ZDHHC21: variants seen among roughly 807,000 people sequenced by gnomAD.
ZDHHC21 encodes the protein zDHHC palmitoyltransferase 21, also known as palmitoyltransferase ZDHHC21.
ZDHHC21 carries 15 observed loss-of-function variants against 34.6 expected under a neutral mutation model. That is an observed-to-expected ratio of 0.43 (90% CI 0.29 to 0.67). ZDHHC21 has a LOEUF of 0.67. Ranked by LOEUF, ZDHHC21 falls within the 30% of genes least tolerant of loss-of-function variation. The probability of loss-of-function intolerance (pLI) is 0.14; values close to 1 mark genes in which losing one functional copy is unlikely to be tolerated. For synonymous variants in ZDHHC21, 142 were observed against 101.8 expected (o/e 1.40, Z -2.38); for missense variants, 344 against 327.7 (o/e 1.05, Z -0.38).
At chr9:14,665,903 T>C (rs532541133) in intron 5 of ZDHHC21, among the ~76,000 whole-genome samples, 1 of 148,838 alleles carries the variant, frequency 6.7e-6, no homozygotes, top group South Asian at 2.2e-4. Flanking sequence ...CATGCCAAAA[T>C]GTAAAGACCA....
At chr9:14,686,915 G>C (rs1838404778) in intron 2 of ZDHHC21, among the ~76,000 whole-genome samples, 1 of 149,812 alleles carries the variant, frequency 6.7e-6, no homozygotes, top group South Asian at 2.1e-4. Context: ...AGAGGTTGCA[G>C]TGAGCAGAGA....
chr9:14,627,876 C>A (rs191991354), intron 8 of ZDHHC21, among the ~76,000 whole-genome samples: 3 of 152,034 alleles, frequency 2.0e-5, no homozygotes, highest in Admixed American at 6.6e-5. Context: ...ATAATTCAGA[C>A]AACATCAATT....
At chr9:14,667,314 T>G (rs983101528) in intron 5 of ZDHHC21, among the ~76,000 whole-genome samples, 34 of 149,668 alleles carry the variant, frequency 2.3e-4, no homozygotes, top group Non-Finnish European at 4.3e-4. Flanking sequence ...AAGTTGAATC[T>G]CTGAATAGAC....
intron 7 of ZDHHC21, among the ~76,000 whole-genome samples, chr9:14,652,197 C>T (rs1337676711): frequency 6.6e-6 from 1 of 151,866 alleles, no homozygotes; most frequent in African/African-American, 2.4e-5. Flanking sequence ...TTTTTCTAGA[C>T]ATGCATTTTT....
rs191531249 is a variant in ZDHHC21 at position 14,630,098 on chromosome 9, T to C, written c.621+9798A>G. Among the ~76,000 whole-genome samples, 137 of 152,316 alleles carry C rather than the reference T, an allele frequency of 9.0e-4. No individual in the cohort carries two copies. The Middle Eastern group carries it at 0.017, about 19-fold the overall frequency. ...TAAAGTCTGCTGCATAGGTTGACTC[T>C]TCCTTTCATGAACGATTTCTCTGTA... On this transcript the variant is annotated intron_variant, in intron 8 of 9. Coordinates refer to ENST00000380916, the MANE Select transcript of ZDHHC21 (RefSeq NM_178566.6).
At chr9:14,627,317 C>A (rs964872079) in intron 8 of ZDHHC21, among the ~76,000 whole-genome samples, 2 of 152,110 alleles carry the variant, frequency 1.3e-5, no homozygotes, top group Non-Finnish European at 2.9e-5. Flanking sequence ...TTTATGATTT[C>A]TCCTGTATTT....
At chr9:14,641,729 C>T (rs192365137) in intron 7 of ZDHHC21, among the ~76,000 whole-genome samples, 38 of 152,302 alleles carry the variant, frequency 2.5e-4, no homozygotes, top group Admixed American at 2.3e-3. Context: ...TGCAACCCTC[C>T]TGATGCTCAC....
In ZDHHC21 at chr9:14,684,549, A is replaced by C. The variant is rs1837966073; in HGVS notation, c.-175-4387T>G. Among the ~76,000 whole-genome samples the C allele has an allele frequency of 3.3e-5, 5 of 151,558 alleles. No individual in the cohort carries two copies. In the South Asian group the frequency reaches 1.1e-3, roughly 32 times the overall value. On this transcript the variant is annotated intron_variant, in intron 2 of 9. Coordinates refer to ENST00000380916, the MANE Select transcript of ZDHHC21 (RefSeq NM_178566.6). ...TACAAACCACTGCTCAATGAAATAAAAGAGGAAACAAACAAATGGAAGAAC... is the reference window on the plus strand; with the variant it reads ...TACAAACCACTGCTCAATGAAATAACAGAGGAAACAAACAAATGGAAGAAC...
intron 8 of ZDHHC21, among the ~76,000 whole-genome samples, chr9:14,635,542 G>A (rs1175296029): frequency 6.6e-6 from 1 of 152,180 alleles, no homozygotes; most frequent in Non-Finnish European, 1.5e-5. Context: ...TCAAAGTGCG[G>A]AACGAAAAAC....
intron 5 of ZDHHC21, among the ~76,000 whole-genome samples, chr9:14,670,062 C>G (rs973259842): frequency 3.3e-5 from 5 of 151,744 alleles, no homozygotes; most frequent in Non-Finnish European, 5.9e-5. Flanking sequence ...TTTGAATTCA[C>G]ACATTGCAAG....
intron 5 of ZDHHC21, among the ~76,000 whole-genome samples, chr9:14,669,548 T>C (rs1835082667): frequency 6.6e-6 from 1 of 151,150 alleles, no homozygotes; most frequent in African/African-American, 2.4e-5. Context: ...TAAAGACACA[T>C]GCACACGTAT....
At chr9:14,648,129 T>G (rs1392878113) in intron 7 of ZDHHC21, among the ~76,000 whole-genome samples, 13 of 152,122 alleles carry the variant, frequency 8.5e-5, no homozygotes, top group Admixed American at 8.5e-4. Flanking sequence ...TCCTTGACGT[T>G]TCGCATTCTA....
At chr9:14,622,735 A>C (rs1392572352) in intron 8 of ZDHHC21, 1 of 985,252 alleles carries the variant, frequency 1.0e-6, no homozygotes, top group African/African-American at 1.7e-5. Flanking sequence ...TTATATGACT[A>C]TCTCTTTTGA....
intron 6 of ZDHHC21, 102 bp from the exon 7 acceptor site, chr9:14,658,989 A>G: frequency 8.4e-7 from 1 of 1,193,552 alleles, no homozygotes; most frequent in South Asian, 1.6e-5. Flanking sequence ...ACATATGCTT[A>G]ACTTCATGGA....
rs1163530302 is a variant in ZDHHC21, at chr9:14,612,091, A to C, written c.*6875T>G. ...ATTGTTGGCAGATTAGAGAGAGATA[A>C]TGTTGCTTCATCTCATTAGGCTTTC... On this transcript the variant is annotated 3_prime_UTR_variant, in exon 10 of 10. Transcript: ENST00000380916. The C allele has an allele frequency of 6.6e-6, 1 of 152,030 alleles. No homozygotes were observed. The highest frequency in any genetic ancestry group is 1.5e-5 in the Non-Finnish European group (1 of 67,928). 9.4% of individuals were successfully genotyped at this position (152,030 alleles called of 1,614,324 possible). A position where few individuals can be genotyped will look rare whatever the true frequency, so the allele number is the denominator to read the frequency against.
At chr9:14,598,093 G>A in the ZDHHC21 span, among the ~76,000 whole-genome samples, 1 of 152,006 alleles carries the variant, frequency 6.6e-6, no homozygotes, top group African/African-American at 2.4e-5. Flanking sequence ...CGACCTCTCT[G>A]GCCCACTGCC....
At position 14,674,342 on chromosome 9, in the gene ZDHHC21, T is replaced by G. The variant is rs751670712; in HGVS notation, c.-2A>C. The G allele has an allele frequency of 8.2e-6, 13 of 1,592,796 alleles. No homozygotes were observed. In the Admixed American group the frequency reaches 1.1e-4, roughly 13 times the overall value. On this transcript the variant is annotated 5_prime_UTR_variant, in exon 4 of 10. Coordinates refer to ENST00000380916, the MANE Select transcript of ZDHHC21 (RefSeq NM_178566.6). Reference sequence around the variant, plus strand: ...AACAAAGTGAATCCGGAGACCCATTTTGCAATCTTATAACTGCCTGCTAAC... The same window carrying G: ...AACAAAGTGAATCCGGAGACCCATTGTGCAATCTTATAACTGCCTGCTAAC...
At chr9:14,621,649 C>A (rs1027451877) in intron 8 of ZDHHC21, among the ~76,000 whole-genome samples, 3 of 151,952 alleles carry the variant, frequency 2.0e-5, no homozygotes, top group Non-Finnish European at 2.9e-5. Flanking sequence ...CTCTGTTATC[C>A]AGAATACTGT....
At chr9:14,684,790 T>C (rs1038102956) in intron 2 of ZDHHC21, among the ~76,000 whole-genome samples, 1 of 152,288 alleles carries the variant, frequency 6.6e-6, no homozygotes, top group South Asian at 2.1e-4. Flanking sequence ...TCACGCTACC[T>C]GACTTCAAAC....
Sources: allele counts gnomAD v4.1 joint callset (sites outside exome capture counted in the v4.1 genomes callset), GRCh38; gene constraint gnomAD v4.1.1; transcripts MANE v1.5; gene names NCBI Gene and HGNC (gene_info 2026-07-23, HGNC 2026-07-21).